Variants in IFI16 observed in about 807,000 individuals in gnomAD.
The protein encoded by IFI16 is gamma-interferon-inducible protein 16.
IFI16 carries 49 observed loss-of-function variants against 68.4 expected under a neutral mutation model. That is an observed-to-expected ratio of 0.72 (90% CI 0.57 to 0.91). The LOEUF is 0.91. Among genes scored for constraint, IFI16 ranks in the 40% least tolerant of loss-of-function variants. The pLI, the probability that IFI16 is intolerant of heterozygous loss-of-function variation, is 0.00. For synonymous variants in IFI16, 307 were observed against 315.0 expected, an observed-to-expected ratio of 0.97 and a Z score of 0.27; for missense variants, 878 against 942.9, an observed-to-expected ratio of 0.93 and a Z score of 0.90.
At chr1:159,019,191 T>C (rs1653131554) in intron 5 of IFI16, among the ~76,000 whole-genome samples, 1 of 151,706 alleles carries the variant, frequency 6.6e-6, no homozygotes, top group Admixed American at 6.6e-5. Flanking sequence ...AATGGAACAA[T>C]TGGGAAATAC....
upstream of IFI16, among the ~76,000 whole-genome samples, chr1:159,007,135 AAACATC>A (rs1652290342): frequency 6.6e-6 from 1 of 152,230 alleles, no homozygotes; most frequent in African/African-American, 2.4e-5. Context: ...TCAATGGACA[AAACATC>A]AAAGCCATTA....
chr1:159,052,311 G>T, intron 10 of IFI16: 1 of 551,186 alleles, frequency 1.8e-6, no homozygotes, highest in South Asian at 2.3e-5. Flanking sequence ...CATCATGCAA[G>T]TTATTTAGAC....
chr1:159,053,883 GA>G (rs1655514419), intron 11 of IFI16, among the ~76,000 whole-genome samples, 159 bp downstream of exon 11: 1 of 152,138 alleles, frequency 6.6e-6, no homozygotes, highest in Non-Finnish European at 1.5e-5. Context: ...TGTTTTTAAA[GA>G]AGGATACTTG....
At chr1:159,003,929 G>C (rs2101773666), upstream of IFI16, among the ~76,000 whole-genome samples, 1 of 152,174 alleles carries the variant, frequency 6.6e-6, no homozygotes, top group South Asian at 2.1e-4. Context: ...CAAAGTGCTG[G>C]GATTACAGGC....
At chr1:159,005,787 C>T (rs983420921), upstream of IFI16, among the ~76,000 whole-genome samples, 1 of 152,152 alleles carries the variant, frequency 6.6e-6, no homozygotes, top group African/African-American at 2.4e-5. Context: ...CTGCTGCTTC[C>T]AGGAACATCC....
chr1:159,051,536 G>T, intron 9 of IFI16, 143 bp from the exon 10 acceptor site: 2 of 623,098 alleles, frequency 3.2e-6, no homozygotes, highest in South Asian at 2.1e-5. Flanking sequence ...TACTATCTCA[G>T]TGATCTTTGT....
intron 1 of IFI16, among the ~76,000 whole-genome samples, chr1:159,012,744 C>T (rs934011767): frequency 2.6e-5 from 4 of 152,152 alleles, no homozygotes; most frequent in Admixed American, 2.6e-4. Context: ...AGACACTGTC[C>T]TGTACCAATT....
chr1:159,033,796 A>G (rs573551111), intron 7 of IFI16, among the ~76,000 whole-genome samples: 3 of 152,202 alleles, frequency 2.0e-5, no homozygotes, highest in South Asian at 4.1e-4. Context: ...TCTGATAACA[A>G]ATGTGGCCAG....
chr1:159,034,220 G>A (rs899529456), intron 7 of IFI16, among the ~76,000 whole-genome samples: 2 of 152,132 alleles, frequency 1.3e-5, no homozygotes, highest in Non-Finnish European at 2.9e-5. Context: ...TGGGTTTCCT[G>A]GAGCCTGAAG....
intron 1 of IFI16, among the ~76,000 whole-genome samples, chr1:159,011,102 C>T (rs1053291136): frequency 6.6e-6 from 1 of 151,880 alleles, no homozygotes; most frequent in Non-Finnish European, 1.5e-5. Flanking sequence ...GCTTTTTTGG[C>T]CGGGCACAGA....
intron 7 of IFI16, among the ~76,000 whole-genome samples, chr1:159,039,377 G>A (rs1037175201): frequency 3.9e-5 from 6 of 152,056 alleles, no homozygotes; most frequent in Non-Finnish European, 7.4e-5. Context: ...ATAGAGTCTC[G>A]CTGTCACCCA....
chr1:159,015,567 AAC>A (rs986260150), intron 2 of IFI16: 7 of 209,272 alleles, frequency 3.3e-5, no homozygotes. Flanking sequence ...ATGATCGGAG[AAC>A]CGCATTGGGA....
intron 8 of IFI16, among the ~76,000 whole-genome samples, chr1:159,045,813 T>C (rs1465165098): frequency 2.0e-5 from 3 of 151,252 alleles, no homozygotes; most frequent in African/African-American, 7.3e-5. Flanking sequence ...TCTTTCTCTT[T>C]CATTTATTAT....
At chr1:159,049,178 G>T (rs1161235145) in intron 8 of IFI16, among the ~76,000 whole-genome samples, 1 of 149,528 alleles carries the variant, frequency 6.7e-6, no homozygotes, top group Admixed American at 6.7e-5. Context: ...TTTACAGGAT[G>T]TGAAGACTGA....
intron 9 of IFI16, among the ~76,000 whole-genome samples, chr1:159,050,252 A>T (rs1655262966): frequency 6.6e-6 from 1 of 152,156 alleles, no homozygotes; most frequent in Non-Finnish European, 1.5e-5. Context: ...TCCATACATT[A>T]TAAAAATGAT....
intron 7 of IFI16, among the ~76,000 whole-genome samples, chr1:159,044,771 C>G (rs1167180485): frequency 6.6e-6 from 1 of 152,124 alleles, no homozygotes; most frequent in African/African-American, 2.4e-5. Flanking sequence ...CTGATCCATA[C>G]TGTAGTGATC....
intron 6 of IFI16, among the ~76,000 whole-genome samples, chr1:159,024,317 C>T (rs1481365141): frequency 3.9e-5 from 6 of 152,042 alleles, no homozygotes; most frequent in Non-Finnish European, 7.4e-5. Context: ...TTAAAAACAC[C>T]TAGGGGGTCT....
At chr1:159,047,360 CTG>C (rs1655058009) in intron 8 of IFI16, among the ~76,000 whole-genome samples, 1 of 149,200 alleles carries the variant, frequency 6.7e-6, no homozygotes. Flanking sequence ...CTGCTTGTAA[CTG>C]TTGCCATCTT....
chr1:159,018,112 C>T, intron 4 of IFI16, 117 bp from the exon 5 acceptor site: 1 of 774,372 alleles, frequency 1.3e-6, no homozygotes, highest in South Asian at 1.8e-5. Flanking sequence ...ATCCTGACTC[C>T]AGCTCTAAAC....
Sources: gnomAD v4.1 joint callset for allele counts (sites outside exome capture counted in the v4.1 genomes callset) on GRCh38, gnomAD v4.1.1 for gene constraint, MANE v1.5 for transcripts, NCBI Gene and HGNC (gene_info 2026-07-23, HGNC 2026-07-21) for gene names.